The following PRKG1 variants were observed in gnomAD, a reference collection of about 807,000 sequenced individuals.
PRKG1 encodes the protein cGMP-dependent protein kinase 1.
In PRKG1, 35 loss-of-function variants were observed where a neutral mutation model predicts 88.1. That is an observed-to-expected ratio of 0.40 (90% CI 0.30 to 0.53). The LOEUF is 0.53. Ranked by LOEUF, PRKG1 falls within the 20% of genes least tolerant of loss-of-function variation. The pLI, the probability that PRKG1 is intolerant of heterozygous loss-of-function variation, is 0.59. For missense variants in PRKG1, 540 were observed against 839.8 expected, an observed-to-expected ratio of 0.64 and a Z score of 4.41; for synonymous variants, 303 against 292.5, an observed-to-expected ratio of 1.04 and a Z score of -0.37.
intron 10 of PRKG1, among the ~76,000 whole-genome samples, chr10:52,266,364 C>T (rs1039875192): frequency 2.0e-5 from 3 of 151,902 alleles, no homozygotes; most frequent in African/African-American, 7.3e-5. Flanking sequence ...TGCTCTCTGC[C>T]AACACCCCCA....
At chr10:52,119,627 G>A (rs1157554932) in intron 7 of PRKG1, among the ~76,000 whole-genome samples, 2 of 152,120 alleles carry the variant, frequency 1.3e-5, no homozygotes, top group Non-Finnish European at 2.9e-5. Flanking sequence ...TGAATGAAGA[G>A]TACCAAGAAA....
chr10:51,586,146 T>C (rs1838167117), intron 3 of PRKG1, among the ~76,000 whole-genome samples: 1 of 151,966 alleles, frequency 6.6e-6, no homozygotes, highest in Non-Finnish European at 1.5e-5. Flanking sequence ...GAATTTATAA[T>C]AAGGAAAAGT....
intron 1 of PRKG1, among the ~76,000 whole-genome samples, chr10:50,992,396 G>T (rs1842791850): frequency 6.6e-6 from 1 of 152,180 alleles, no homozygotes; most frequent in African/African-American, 2.4e-5. Context: ...ACCTAAGGCT[G>T]CTCTAGGTTT....
chr10:52,111,873 TTTC>T (rs1847572379), intron 7 of PRKG1, among the ~76,000 whole-genome samples: 1 of 152,212 alleles, frequency 6.6e-6, no homozygotes, highest in Non-Finnish European at 1.5e-5. Flanking sequence ...TTCCCATATC[TTTC>T]TTCTTCTCGC....
rs150903699 is a variant in PRKG1, at chr10:51,743,260, G to A, written c.593-61325G>A. On this transcript the variant is annotated intron_variant, in intron 3 of 17. Transcript: ENST00000373980. ...AGTCTTTGGCCTCCCACAGACAGATGTGCACAGAGTCCCCTGGGGATAGAA... is the reference window on the plus strand; with the variant it reads ...AGTCTTTGGCCTCCCACAGACAGATATGCACAGAGTCCCCTGGGGATAGAA... Among the ~76,000 whole-genome samples the A allele has an allele frequency of 2.8e-3, 430 of 152,242 alleles. 2 individuals are homozygous for A. Among genetic ancestry groups the A allele is most frequent in the Middle Eastern group, 0.01 (3 of 294 alleles).
At chr10:51,819,477 G>A (rs1446628193) in intron 4 of PRKG1, among the ~76,000 whole-genome samples, 1 of 152,086 alleles carries the variant, frequency 6.6e-6, no homozygotes, top group African/African-American at 2.4e-5. Context: ...TTATGTCCAT[G>A]TTTCTGCATA....
intron 2 of PRKG1, among the ~76,000 whole-genome samples, chr10:51,393,932 T>G (rs933723322): frequency 6.6e-6 from 1 of 152,148 alleles, no homozygotes; most frequent in African/African-American, 2.4e-5. Flanking sequence ...GAAGTAAACA[T>G]TTTGACATCC....
chr10:51,396,030 A>G (rs1485383731), intron 2 of PRKG1, among the ~76,000 whole-genome samples: 1 of 152,158 alleles, frequency 6.6e-6, no homozygotes, highest in Non-Finnish European at 1.5e-5. Context: ...TATTATGTAC[A>G]TAACACTTTT....
intron 3 of PRKG1, among the ~76,000 whole-genome samples, chr10:51,778,935 T>C (rs1838512948): frequency 6.6e-6 from 1 of 152,198 alleles, no homozygotes; most frequent in African/African-American, 2.4e-5. Flanking sequence ...ATATAGTTTT[T>C]GTGTTTTTTG....
chr10:52,001,325 A>G (rs1844590461), intron 5 of PRKG1, among the ~76,000 whole-genome samples: 1 of 151,572 alleles, frequency 6.6e-6, no homozygotes, highest in South Asian at 2.1e-4. Context: ...TGTACTGTAC[A>G]CTGCAATTTG....
chr10:51,237,140 T>C (rs577145725), intron 2 of PRKG1, among the ~76,000 whole-genome samples: 172 of 152,336 alleles, frequency 1.1e-3, no homozygotes, highest in African/African-American at 3.8e-3. Flanking sequence ...ATATTTCCAT[T>C]CTTATGGGCA....
At chr10:51,652,408 T>A (rs1840060851) in intron 3 of PRKG1, among the ~76,000 whole-genome samples, 1 of 151,932 alleles carries the variant, frequency 6.6e-6, no homozygotes, top group South Asian at 2.1e-4. Context: ...AGGGTTAACA[T>A]CCTCAAACTG....
At chr10:52,250,880 A>G (rs1277322450) in intron 9 of PRKG1, among the ~76,000 whole-genome samples, 1 of 152,166 alleles carries the variant, frequency 6.6e-6, no homozygotes, top group Non-Finnish European at 1.5e-5. Flanking sequence ...CACACCACTC[A>G]TATAAGAAAC....
At position 50,991,310 on chromosome 10, in the gene PRKG1, AGCCGCCGCCGCCGCCGCC is replaced by A. The variant is rs79957958; in HGVS notation, c.-53_-36del. On this transcript the variant is annotated 5_prime_UTR_variant, in exon 1 of 18. Transcript: ENST00000401604. The surrounding 1 kb of genome is among the most constrained non-coding windows in gnomAD (Gnocchi z 4.5). The stretch of plus-strand genomic sequence containing the variant: ...GCTCTCCGCTGCCGGCTGCCGTCCC[AGCCGCCGCCGCCGCCGCC>A]GCCGCCGCCGCCGCCCGAGAAAAAG... 56 of 1,396,922 alleles carry A rather than the reference AGCCGCCGCCGCCGCCGCC, an allele frequency of 4.0e-5. No homozygotes were observed. Among genetic ancestry groups the A allele is most frequent in the East Asian group, 2.4e-4 (8 of 33,068 alleles). 86.5% of individuals were successfully genotyped at this position (1,396,922 alleles called of 1,614,324 possible).
At chr10:51,488,934 G>A (rs1840624958) in intron 3 of PRKG1, among the ~76,000 whole-genome samples, 1 of 152,016 alleles carries the variant, frequency 6.6e-6, no homozygotes, top group South Asian at 2.1e-4. Context: ...AAGCACACAG[G>A]CCCTCTTCTT....
chr10:51,470,920 G>GT (rs942252108), intron 3 of PRKG1, among the ~76,000 whole-genome samples: 1 of 151,648 alleles, frequency 6.6e-6, no homozygotes, highest in Admixed American at 6.6e-5. Context: ...ATTTTCAGTG[G>GT]TTACCACGAT....
At position 52,290,215 on chromosome 10, in the gene PRKG1, C is replaced by G; in HGVS notation, c.1896-9C>G. On this transcript the variant is annotated splice_polypyrimidine_tract_variant and intron_variant, in intron 16 of 17. Transcript: ENST00000373980. ...AAAATGTTTTTATCAACGTTTTTTC[C>G]TTTTCTAGATGGTTTGAGGGCTTTA... 6.2e-7 allele frequency: 1 copy of G among 1,610,496 alleles called. No individual in the cohort carries two copies. Among genetic ancestry groups the G allele is most frequent in the South Asian group, 1.1e-5 (1 of 90,688 alleles).
At chr10:51,813,802 A>G (rs1235591218) in intron 4 of PRKG1, among the ~76,000 whole-genome samples, 1 of 151,988 alleles carries the variant, frequency 6.6e-6, no homozygotes, top group African/African-American at 2.4e-5. Flanking sequence ...TTTCCTATTC[A>G]CCATATTTTT....
At chr10:51,069,129 C>G (rs1276021605) in intron 1 of PRKG1, among the ~76,000 whole-genome samples, 1 of 151,814 alleles carries the variant, frequency 6.6e-6, no homozygotes, top group Admixed American at 6.6e-5. Flanking sequence ...TTCATTTCAC[C>G]TAATATTAAG....
Sources: allele counts gnomAD v4.1 joint callset (sites outside exome capture counted in the v4.1 genomes callset), GRCh38; gene constraint gnomAD v4.1.1; non-coding constraint Gnocchi (gnomAD v3.1); transcripts MANE v1.5; gene names NCBI Gene and HGNC (gene_info 2026-07-23, HGNC 2026-07-21).